Variants in XK observed in about 807,000 individuals in gnomAD.
The protein encoded by XK is X-linked Kx blood group antigen, Kell and VPS13A binding protein, also known as endoplasmic reticulum membrane adapter protein XK.
A neutral mutation model predicts 14.0 loss-of-function variants in XK; 2 were observed. The observed-to-expected ratio is 0.14, with a 90% confidence interval of 0.06 to 0.45. The LOEUF (loss-of-function observed/expected upper bound fraction) is 0.45. XK is among the 20% of genes least tolerant of loss of function. The probability of loss-of-function intolerance (pLI) is 0.98; values close to 1 mark genes in which losing one functional copy is unlikely to be tolerated. For synonymous variants in XK, 149 were observed against 147.5 expected, an observed-to-expected ratio of 1.01 and a Z score of -0.08; for missense variants, 235 against 341.5, an observed-to-expected ratio of 0.69 and a Z score of 2.46.
At chrX:37,705,215 G>A in intron 2 of XK, among the ~76,000 whole-genome samples, 1 of 110,552 alleles carries the variant, frequency 9.0e-6, no homozygotes, top group East Asian at 2.8e-4. Flanking sequence ...GGGGGCCAAG[G>A]CGGGCGGATC....
chrX:37,707,183 G>A (rs1208436514), intron 2 of XK, among the ~76,000 whole-genome samples: 3 of 111,933 alleles, frequency 2.7e-5, no homozygotes, highest in Admixed American at 9.3e-5. Context: ...GGGCAGAGGG[G>A]CTCCTCACTT....
intron 2 of XK, among the ~76,000 whole-genome samples, chrX:37,695,856 G>A (rs782628105): frequency 1.8e-5 from 2 of 111,735 alleles, no homozygotes; most frequent in African/African-American, 6.5e-5. Context: ...AATACTTTCC[G>A]CAACACCTGG....
chrX:37,728,592 CTT>C lies in XK; in HGVS notation c.*132_*133del, dbSNP rs782407773. The C allele has an allele frequency of 8.4e-3, 5,631 of 673,419 alleles. 31 individuals are homozygous for C. The highest frequency in any genetic ancestry group is 0.011 in the Non-Finnish European group (4,918 of 436,467). The allele number at this position is 673,419 out of a possible 1,213,427, so 55.5% of individuals were successfully genotyped here. On this transcript the variant is annotated 3_prime_UTR_variant, in exon 3 of 3. Transcript: ENST00000378616. ...TGTTAACTCCTTGTGAGCTGCTTCT[CTT>C]TATAGAGCTCTTGGGTATGTAGAAC... is the stretch of plus-strand genomic sequence containing the variant.
chrX:37,690,782 A>G (rs1239295696), intron 1 of XK, among the ~76,000 whole-genome samples: 1 of 112,279 alleles, frequency 8.9e-6, no homozygotes, highest in Non-Finnish European at 1.9e-5. Flanking sequence ...TACTTCACAG[A>G]AAATTTGCTG....
intron 1 of XK, among the ~76,000 whole-genome samples, chrX:37,688,868 G>T (rs972372589): frequency 8.9e-6 from 1 of 111,780 alleles, no homozygotes; most frequent in East Asian, 2.8e-4. Context: ...TTTCTGAATA[G>T]TGGGGTTATG....
intron 2 of XK, among the ~76,000 whole-genome samples, 195 bp from the exon 3 acceptor site, chrX:37,727,441 C>G (rs1350956128): frequency 9.0e-6 from 1 of 111,163 alleles, no homozygotes; most frequent in East Asian, 2.9e-4. Context: ...CTGACAGGCA[C>G]CTGGATGCAG....
At chrX:37,700,618 G>A (rs1556443587) in intron 2 of XK, among the ~76,000 whole-genome samples, 3 of 111,582 alleles carry the variant, frequency 2.7e-5, no homozygotes, top group Non-Finnish European at 5.7e-5. Flanking sequence ...GGCGGGAGGA[G>A]CTGACTGGGG....
At position 37,728,735 on chromosome X, in the gene XK, G is replaced by C. The variant is rs782361333; in HGVS notation, c.*273G>C. 2.8e-5 allele frequency: 10 copies of C among 356,090 alleles called. No individual in the cohort carries two copies. The East Asian group carries it at 4.6e-4, about 16-fold the overall frequency. 29.3% of individuals were successfully genotyped at this position (356,090 alleles called of 1,213,427 possible). On this transcript the variant is annotated 3_prime_UTR_variant, in exon 3 of 3. Transcript: ENST00000378616. The stretch of plus-strand genomic sequence containing the variant: ...GCATTACTGGCCTTTTCACTGACAA[G>C]TTACCCCTGAAATCTGAGTTGTACT...
chrX:37,705,296 A>G, intron 2 of XK, among the ~76,000 whole-genome samples: 1 of 109,597 alleles, frequency 9.1e-6, no homozygotes, highest in Non-Finnish European at 1.9e-5. Context: ...ATACAAAAAA[A>G]AAAAAATTAG....
intron 2 of XK, among the ~76,000 whole-genome samples, chrX:37,720,538 T>C (rs542095833): frequency 9.0e-6 from 1 of 111,392 alleles, no homozygotes; most frequent in African/African-American, 3.2e-5. Context: ...TTCTATCTTA[T>C]GAATTTCAGA....
At chrX:37,692,370 C>T (rs367779188) in intron 1 of XK, among the ~76,000 whole-genome samples, 1 of 111,454 alleles carries the variant, frequency 9.0e-6, no homozygotes. Flanking sequence ...GCATTCATCT[C>T]ATATTTGAGA....
At chrX:37,707,690 C>T (rs1315772753) in intron 2 of XK, among the ~76,000 whole-genome samples, 2 of 110,633 alleles carry the variant, frequency 1.8e-5, no homozygotes, top group East Asian at 2.9e-4. Context: ...GATGGGATGG[C>T]GGCCGGGAAG....
chrX:37,697,840 C>A (rs1397956101), intron 2 of XK, among the ~76,000 whole-genome samples: 1 of 111,921 alleles, frequency 8.9e-6, no homozygotes, highest in Non-Finnish European at 1.9e-5. Context: ...TGCCCCTAGC[C>A]CCTGGCAGCC....
At chrX:37,698,588 T>C (rs1927350076) in intron 2 of XK, among the ~76,000 whole-genome samples, 1 of 104,493 alleles carries the variant, frequency 9.6e-6, no homozygotes, top group East Asian at 2.9e-4. Context: ...AAATTGTACT[T>C]ATAGTCAGAT....
intron 2 of XK, among the ~76,000 whole-genome samples, chrX:37,713,615 T>TA (rs57253452): frequency 9.1e-6 from 1 of 109,936 alleles, no homozygotes; most frequent in Non-Finnish European, 1.9e-5. Context: ...TTTTTTTTTT[T>TA]AACATAATTC....
intron 1 of XK, among the ~76,000 whole-genome samples, chrX:37,687,226 C>CAT (rs1491476026): frequency 2.7e-4 from 29 of 106,456 alleles, no homozygotes; most frequent in African/African-American, 1.0e-3. Context: ...CACACACACA[C>CAT]GCACACACAC....
intron 2 of XK, among the ~76,000 whole-genome samples, chrX:37,720,598 G>A (rs1248693713): frequency 9.1e-6 from 1 of 109,941 alleles, no homozygotes; most frequent in African/African-American, 3.3e-5. Context: ...GTGAAGTCTG[G>A]GCTTCTACTT....
chrX:37,696,188 T>C (rs1342952737), intron 2 of XK, among the ~76,000 whole-genome samples: 1 of 112,587 alleles, frequency 8.9e-6, no homozygotes, highest in African/African-American at 3.2e-5. Flanking sequence ...TGCTCTTTCA[T>C]TTATGTATTG....
At chrX:37,722,619 G>A (rs1400169118) in intron 2 of XK, among the ~76,000 whole-genome samples, 2 of 112,209 alleles carry the variant, frequency 1.8e-5, no homozygotes, top group African/African-American at 6.4e-5. Flanking sequence ...CTTTGGCTTC[G>A]CCAGTTACCT....
Sources: gnomAD v4.1 joint callset for allele counts (sites outside exome capture counted in the v4.1 genomes callset) on GRCh38, gnomAD v4.1.1 for gene constraint, MANE v1.5 for transcripts, NCBI Gene and HGNC (gene_info 2026-07-23, HGNC 2026-07-21) for gene names.